Variants in FLYWCH1 observed in about 807,000 individuals in gnomAD.
FLYWCH1 encodes the protein FLYWCH-type zinc finger-containing protein 1.
A neutral mutation model predicts 66.4 loss-of-function variants in FLYWCH1; 75 were observed. That is an observed-to-expected ratio of 1.13 (90% CI 0.94 to 1.37). FLYWCH1 has a LOEUF of 1.37. Ranked by LOEUF, FLYWCH1 falls within the 40% of genes most tolerant of loss-of-function variation. The pLI, the probability that FLYWCH1 is intolerant of heterozygous loss-of-function variation, is 0.00. For synonymous variants in FLYWCH1, 595 were observed against 429.9 expected (o/e 1.38, Z -4.75); for missense variants, 1,334 against 1,001.8 (o/e 1.33, Z -4.48).
At position 2,929,681 on chromosome 16, in the gene FLYWCH1, C is replaced by T. The variant is rs1444301535; in HGVS notation, c.-5C>T. ...TGGCCTGAGGGACAGGCCCTGGGTC[C>T]CGGGATGCCCCTGCCCGAGCCCAGC... On this transcript the variant is annotated 5_prime_UTR_variant, in exon 3 of 10. Coordinates refer to ENST00000253928, the MANE Select transcript of FLYWCH1 (RefSeq NM_001308068.2). 1.2e-6 allele frequency: 2 copies of T among 1,608,102 alleles called. No homozygotes were observed. The highest frequency in any genetic ancestry group is 1.7e-4 in the Middle Eastern group (1 of 5,856).
rs1376742766 is a variant in FLYWCH1 at position 2,930,477 on chromosome 16, C to T, written c.393C>T (p.Phe131=). 6.6e-7 allele frequency: 1 copy of T among 1,521,294 alleles called. No individual in the cohort carries two copies. Among genetic ancestry groups the T allele is most frequent in the South Asian group, 1.3e-5 (1 of 79,192 alleles). 94.2% of individuals were successfully genotyped at this position (1,521,294 alleles called of 1,614,324 possible). A position where few individuals can be genotyped will look rare whatever the true frequency, so the allele number is the denominator to read the frequency against. Residue 131 remains phenylalanine (F), a synonymous_variant, in exon 4 of 10, where the codon TTC becomes TTT. Coordinates refer to ENST00000253928, the MANE Select transcript of FLYWCH1 (RefSeq NM_001308068.2). The part of the protein sequence containing the change: ...FGGRLLVLES[F]LYKQEKAVGD... ...GCCGCCTCCTGGTGCTGGAGTCCTT[C>T]CTGTACAAGCAGGAGAAGGCAGTGG...
chr16:2,941,067 C>A (rs1364016661), intron 9 of FLYWCH1, among the ~76,000 whole-genome samples: 1 of 152,130 alleles, frequency 6.6e-6, no homozygotes, highest in African/African-American at 2.4e-5. Flanking sequence ...CCACTGCACT[C>A]CAGCCTAGGT....
chr16:2,935,591 G>T (rs1407380771), intron 6 of FLYWCH1: 1 of 152,118 alleles, frequency 6.6e-6, no homozygotes, highest in Admixed American at 6.6e-5. Context: ...AGCACGTTGA[G>T]GCCTTTCATG....
In FLYWCH1 at chr16:2,949,994, G is replaced by A. The variant is rs935975175; in HGVS notation, c.*1267G>A. 14 of 152,274 alleles carry A rather than the reference G, an allele frequency of 9.2e-5. No individual in the cohort carries two copies. Among genetic ancestry groups the A allele is most frequent in the African/African-American group, 3.1e-4 (13 of 41,438 alleles). The allele number at this position is 152,274 out of a possible 1,614,324, so 9.4% of individuals were successfully genotyped here. On this transcript the variant is annotated 3_prime_UTR_variant, in exon 10 of 10. Transcript: ENST00000253928. The stretch of plus-strand genomic sequence containing the variant: ...GAGTGGACGGAGACACCTGGGGTTG[G>A]GGCCTCTGGAAGGGCTGCTGGGGGG...
At chr16:2,943,248 A>G (rs1007348741) in intron 9 of FLYWCH1, 1 of 152,120 alleles carries the variant, frequency 6.6e-6, no homozygotes, top group African/African-American at 2.4e-5. Flanking sequence ...CACTTTGCAC[A>G]TGTCACAGCT....
intron 2 of FLYWCH1, chr16:2,922,356 C>G (rs1211060201): frequency 6.1e-6 from 1 of 164,904 alleles, no homozygotes; most frequent in Non-Finnish European, 1.3e-5. Context: ...CCCTGAGCCT[C>G]GATGTTGAAG....
chr16:2,917,954 C>G (rs1277779810), intron 2 of FLYWCH1, among the ~76,000 whole-genome samples: 1 of 151,828 alleles, frequency 6.6e-6, no homozygotes, highest in Non-Finnish European at 1.5e-5. Flanking sequence ...CTCCCTGCCT[C>G]AGCCTCCTGA....
In FLYWCH1 at chr16:2,933,582, G is replaced by A. The variant is rs776261347; in HGVS notation, c.1249G>A (p.Gly417Arg). Residue 417 changes from glycine to arginine, a missense_variant and splice_region_variant, in exon 5 of 10, where the codon GGA becomes AGA. Coordinates refer to ENST00000253928, the MANE Select transcript of FLYWCH1 (RefSeq NM_001308068.2). The stretch of plus-strand genomic sequence containing the variant: ...GCACCAGGACATGGACGCAGACCCG[G>A]GTGAGCTGCCTTCCTTTGGGGCTCA... The part of the protein sequence containing the change: ...DEHQDMDADP[G>R]GPEFLKTPLG... The A allele has an allele frequency of 1.3e-6, 2 of 1,583,444 alleles. No individual in the cohort carries two copies. Among genetic ancestry groups the A allele is most frequent in the East Asian group, 2.2e-5 (1 of 44,568 alleles).
chr16:2,922,688 C>A (rs769236100), intron 2 of FLYWCH1: 15 of 476,290 alleles, frequency 3.1e-5, no homozygotes, highest in Non-Finnish European at 6.2e-5. Context: ...TGGCCACACC[C>A]AAAGCATCCT....
intron 6 of FLYWCH1, 182 bp from the exon 7 acceptor site, chr16:2,936,939 G>C (rs377615303): frequency 2.5e-6 from 2 of 807,300 alleles, no homozygotes; most frequent in African/African-American, 1.7e-5. Flanking sequence ...CTCAGGAGGC[G>C]GACCCCAGCA....
rs918249555 is a variant in FLYWCH1 at position 2,933,578 on chromosome 16, C to T, written c.1245C>T (p.Asp415=). ...APDEHQDMDA[D]PGGPEFLKTP... Reference sequence around the variant, plus strand: ...ACGAGCACCAGGACATGGACGCAGACCCGGGTGAGCTGCCTTCCTTTGGGG... The same window carrying T: ...ACGAGCACCAGGACATGGACGCAGATCCGGGTGAGCTGCCTTCCTTTGGGG... The change falls in exon 5 of 10, where the codon GAC becomes GAT. Residue 415 remains aspartate (D), a synonymous_variant. Transcript: ENST00000253928. The T allele has an allele frequency of 1.3e-6, 2 of 1,585,346 alleles. No individual in the cohort carries two copies. The highest frequency in any genetic ancestry group is 2.2e-5 in the East Asian group (1 of 44,574).
intron 6 of FLYWCH1, chr16:2,936,469 C>A (rs1428245854): frequency 2.2e-6 from 1 of 445,902 alleles, no homozygotes; most frequent in Non-Finnish European, 4.5e-6. Context: ...GCTGGCCTCT[C>A]CTCTAGGGCT....
At chr16:2,926,684 A>G (rs577019060) in intron 2 of FLYWCH1, among the ~76,000 whole-genome samples, 1 of 152,370 alleles carries the variant, frequency 6.6e-6, no homozygotes, top group South Asian at 2.1e-4. Context: ...ATTACAGATG[A>G]TAACACCCAA....
chr16:2,933,925 G>A lies in FLYWCH1; in HGVS notation c.1459G>A (p.Glu487Lys), dbSNP rs1339477399. 6.4e-6 allele frequency: 10 copies of A among 1,569,286 alleles called. No homozygotes were observed. Among genetic ancestry groups the A allele is most frequent in the South Asian group, 1.2e-5 (1 of 85,926 alleles). ...CCACCCGCCCGACCTGGGAGGCCTGGAGGCCCTGAGGCAGCGGGAGAAACG... is the reference window on the plus strand; with the variant it reads ...CCACCCGCCCGACCTGGGAGGCCTGAAGGCCCTGAGGCAGCGGGAGAAACG... The part of the protein sequence containing the change: ...HCHPPDLGGL[E>K]ALRQREKRPN... Residue 487 changes from glutamate (E) to lysine (K), a missense_variant, in exon 6 of 10, where the codon GAG becomes AAG. Physicochemically the swap from Glu to Lys is moderately conservative, Grantham distance 56 (BLOSUM62 1). Coordinates refer to ENST00000253928, the MANE Select transcript of FLYWCH1 (RefSeq NM_001308068.2).
chr16:2,933,048 C>T (rs1187433539), intron 4 of FLYWCH1, 82 bp from the exon 5 acceptor site: 2 of 1,249,626 alleles, frequency 1.6e-6, no homozygotes, highest in South Asian at 1.4e-5. Flanking sequence ...AGGCTCGTGT[C>T]AGCCCCCACA....
chr16:2,920,729 C>T (rs765697248), intron 2 of FLYWCH1, among the ~76,000 whole-genome samples: 5 of 151,232 alleles, frequency 3.3e-5, no homozygotes, highest in Non-Finnish European at 5.9e-5. Context: ...TTAGTGGAGA[C>T]GGGGTTTCTC....
intron 6 of FLYWCH1, among the ~76,000 whole-genome samples, 160 bp downstream of exon 6, chr16:2,934,139 C>A (rs112011583): frequency 2.0e-5 from 3 of 152,300 alleles, no homozygotes; most frequent in East Asian, 1.9e-4. Flanking sequence ...CCTTGGCCCC[C>A]CTGATGCCGC....
intron 2 of FLYWCH1, among the ~76,000 whole-genome samples, chr16:2,918,447 T>A (rs1049079960): frequency 6.8e-6 from 1 of 146,308 alleles, no homozygotes; most frequent in Admixed American, 6.8e-5. Flanking sequence ...GCGCCAGGCT[T>A]TTTTTTTTTT....
intron 8 of FLYWCH1, among the ~76,000 whole-genome samples, chr16:2,939,391 G>A (rs1327635604): frequency 6.6e-6 from 1 of 152,064 alleles, no homozygotes; most frequent in Non-Finnish European, 1.5e-5. Flanking sequence ...GGGAGGCGGA[G>A]GTTGCAGTGA....
Sources: gnomAD v4.1 joint callset for allele counts (sites outside exome capture counted in the v4.1 genomes callset) on GRCh38, gnomAD v4.1.1 for gene constraint, MANE v1.5 for transcripts, NCBI Gene and HGNC (gene_info 2026-07-23, HGNC 2026-07-21) for gene names.